TNRC6B: variants seen among roughly 807,000 people sequenced by gnomAD.
The protein encoded by TNRC6B is trinucleotide repeat-containing gene 6B protein.
A neutral mutation model predicts 203.6 loss-of-function variants in TNRC6B; 52 were observed. The observed-to-expected ratio is 0.26, with a 90% CI of 0.20 to 0.32. The LOEUF is 0.32. Among genes scored for constraint, TNRC6B ranks in the 10% least tolerant of loss-of-function variants. The probability of loss-of-function intolerance (pLI) is 1.00; values close to 1 mark genes in which losing one functional copy is unlikely to be tolerated. For missense variants in TNRC6B, 1,923 were observed against 2,286.2 expected (o/e 0.84, Z 3.24); for synonymous variants, 838 against 845.7 (o/e 0.99, Z 0.16).
chr22:40,252,412 A>G (rs1322436297), intron 3 of TNRC6B, among the ~76,000 whole-genome samples: 1 of 152,176 alleles, frequency 6.6e-6, no homozygotes, highest in African/African-American at 2.4e-5. Context: ...AAGCCCTGTA[A>G]TGATTGGTTT....
intron 2 of TNRC6B, among the ~76,000 whole-genome samples, chr22:40,123,821 T>C (rs1241241044): frequency 6.6e-6 from 1 of 151,970 alleles, no homozygotes; most frequent in African/African-American, 2.4e-5. Context: ...TGAAGCAAAT[T>C]ACACATAAAA....
intron 1 of TNRC6B, among the ~76,000 whole-genome samples, chr22:40,209,568 C>T (rs949715126): frequency 6.6e-5 from 10 of 152,286 alleles, no homozygotes; most frequent in East Asian, 1.9e-4. Context: ...GGCATTCTTA[C>T]GCTAACCTGC....
At chr22:40,088,257 G>A (rs550513255) in intron 1 of TNRC6B, among the ~76,000 whole-genome samples, 1 of 152,266 alleles carries the variant, frequency 6.6e-6, no homozygotes, top group South Asian at 2.1e-4. Context: ...AGTTCCTCAA[G>A]GCCAGCTAAT....
intron 1 of TNRC6B, among the ~76,000 whole-genome samples, chr22:40,108,425 A>G (rs974363831): frequency 2.6e-5 from 4 of 152,352 alleles, no homozygotes; most frequent in African/African-American, 7.2e-5. Context: ...TAGGAGCCAC[A>G]CATTTCCTTC....
intron 3 of TNRC6B, among the ~76,000 whole-genome samples, chr22:40,151,333 G>A (rs1402759178): frequency 6.6e-6 from 1 of 151,842 alleles, no homozygotes; most frequent in Non-Finnish European, 1.5e-5. Context: ...GGAGGCTGAG[G>A]CGGGCAGATC....
At chr22:40,205,014 A>G (rs2069461838) in intron 1 of TNRC6B, among the ~76,000 whole-genome samples, 1 of 152,240 alleles carries the variant, frequency 6.6e-6, no homozygotes, top group South Asian at 2.1e-4. Flanking sequence ...TGAAGACAGT[A>G]TACAACTATG....
chr22:40,152,848 C>T (rs990170276), intron 3 of TNRC6B, among the ~76,000 whole-genome samples: 1 of 151,882 alleles, frequency 6.6e-6, no homozygotes, highest in African/African-American at 2.4e-5. Flanking sequence ...CACCTATAAT[C>T]CCAGCACTTT....
intron 1 of TNRC6B, among the ~76,000 whole-genome samples, chr22:40,074,986 A>G (rs1291174468): frequency 6.6e-6 from 1 of 151,536 alleles, no homozygotes; most frequent in Non-Finnish European, 1.5e-5. Context: ...CATAAAACAC[A>G]TGCAATTTCA....
chr22:40,265,050 A>G lies in TNRC6B; in HGVS notation c.820A>G (p.Thr274Ala), dbSNP rs1361216223. 6.8e-6 allele frequency: 11 copies of G among 1,613,888 alleles called. No individual in the cohort carries two copies. The highest frequency in any genetic ancestry group is 1.3e-5 in the African/African-American group (1 of 74,912). ...KAKSVQSSNS[T>A]TENNNGLGNW... is the part of the protein sequence containing the mutation. ...TAAATCTGTTCAATCTTCCAACTCT[A>G]CTACAGAGAACAACAATGGACTAGG... is the stretch of plus-strand genomic sequence containing the variant. Residue 274 changes from threonine (T) to alanine (A), a missense_variant, in exon 5 of 23, where the codon ACT becomes GCT. Thr to Ala is a moderately conservative substitution (Grantham distance 58). Coordinates refer to ENST00000454349, the MANE Select transcript of TNRC6B (RefSeq NM_001162501.2).
At position 40,137,230 on chromosome 22, in the gene TNRC6B, A is replaced by G. The variant is rs544940398; in HGVS notation, c.45+11368A>G. ...GGCTGGATCTGCTTTAGCAAAAGTGATAACAAGATTTCATGGATTTTGGTA... is the reference window on the plus strand; with the variant it reads ...GGCTGGATCTGCTTTAGCAAAAGTGGTAACAAGATTTCATGGATTTTGGTA... On this transcript the variant is annotated intron_variant, in intron 3 of 23. Transcript: ENST00000301923. 7.2e-4 allele frequency among the ~76,000 whole-genome samples: 109 copies of G among 152,340 alleles called. 1 individual carries two copies. In the South Asian group the frequency reaches 7.7e-3, roughly 11 times the overall value.
chr22:40,289,094 C>T (rs1033462980), intron 12 of TNRC6B, among the ~76,000 whole-genome samples: 4 of 152,070 alleles, frequency 2.6e-5, no homozygotes, highest in Non-Finnish European at 5.9e-5. Context: ...GGATTACAGG[C>T]GTGAGCCACC....
intron 2 of TNRC6B, among the ~76,000 whole-genome samples, chr22:40,124,755 C>T (rs2068473513): frequency 6.6e-6 from 1 of 152,100 alleles, no homozygotes; most frequent in African/African-American, 2.4e-5. Flanking sequence ...TGGCTCACGC[C>T]TGTAATCCCA....
chr22:40,070,413 TAAAA>T (rs957752179), intron 1 of TNRC6B, among the ~76,000 whole-genome samples: 5 of 152,220 alleles, frequency 3.3e-5, no homozygotes, highest in East Asian at 1.9e-4. Flanking sequence ...TCTTTAAACA[TAAAA>T]AGAAAGGGTG....
intron 3 of TNRC6B, among the ~76,000 whole-genome samples, chr22:40,136,073 A>G (rs1426919209): frequency 6.6e-6 from 1 of 152,172 alleles, no homozygotes; most frequent in Admixed American, 6.5e-5. Context: ...TTGGGAGGCG[A>G]GGACTGGCAT....
intron 11 of TNRC6B, 97 bp from the exon 12 acceptor site, chr22:40,285,548 C>T: frequency 7.1e-7 from 1 of 1,413,754 alleles, no homozygotes; most frequent in Non-Finnish European, 9.6e-7. Context: ...CGAACACAGC[C>T]TGTGATTCTT....
At chr22:40,116,837 A>G (rs538527133) in intron 1 of TNRC6B, among the ~76,000 whole-genome samples, 1 of 152,302 alleles carries the variant, frequency 6.6e-6, no homozygotes, top group African/African-American at 2.4e-5. Context: ...AGTTTTACAC[A>G]TACTTCATTT....
intron 11 of TNRC6B, among the ~76,000 whole-genome samples, chr22:40,281,700 G>A (rs2070723149): frequency 6.6e-6 from 1 of 152,172 alleles, no homozygotes; most frequent in Non-Finnish European, 1.5e-5. Context: ...AGGAAAACTA[G>A]TATGATTAAG....
At chr22:40,241,953 C>T (rs1340484546) in intron 1 of TNRC6B, among the ~76,000 whole-genome samples, 2 of 152,194 alleles carry the variant, frequency 1.3e-5, no homozygotes, top group African/African-American at 4.8e-5. Flanking sequence ...GGTCATTTGA[C>T]GGATCCCATC....
intron 1 of TNRC6B, among the ~76,000 whole-genome samples, chr22:40,197,227 G>A (rs1272375962): frequency 1.3e-5 from 2 of 152,108 alleles, no homozygotes; most frequent in Non-Finnish European, 2.9e-5. Flanking sequence ...TGTGCTGATC[G>A]TGTGCAGAAT....
Sources: gnomAD v4.1 joint callset for allele counts (sites outside exome capture counted in the v4.1 genomes callset) on GRCh38, gnomAD v4.1.1 for gene constraint, MANE v1.5 for transcripts, NCBI Gene and HGNC (gene_info 2026-07-23, HGNC 2026-07-21) for gene names.